KAZN: variants seen among roughly 807,000 people sequenced by gnomAD.
The protein encoded by KAZN is kazrin, periplakin interacting protein.
A neutral mutation model predicts 87.4 loss-of-function variants in KAZN; 40 were observed. The ratio of observed to expected loss-of-function variants is 0.46; its 90% CI spans 0.36 to 0.60. KAZN has a LOEUF of 0.60. Ranked by LOEUF, KAZN falls within the 20% of genes least tolerant of loss-of-function variation. The pLI, the probability that KAZN is intolerant of heterozygous loss-of-function variation, is 0.00. For missense variants in KAZN, 898 were observed against 1,073.9 expected, an observed-to-expected ratio of 0.84 and a Z score of 2.29; for synonymous variants, 466 against 458.3, an observed-to-expected ratio of 1.02 and a Z score of -0.22.
At chr1:14,509,469 C>T (rs1398850944) in intron 2 of KAZN, among the ~76,000 whole-genome samples, 1 of 152,228 alleles carries the variant, frequency 6.6e-6, no homozygotes, top group African/African-American at 2.4e-5. Flanking sequence ...GTGAAACTGC[C>T]ATGGCCTTTA....
intron 1 of KAZN, among the ~76,000 whole-genome samples, chr1:14,952,501 T>C (rs1662615854): frequency 6.6e-6 from 1 of 152,146 alleles, no homozygotes; most frequent in South Asian, 2.1e-4. Context: ...AGATTTTTTT[T>C]TCTTGGGGTA....
At chr1:14,729,397 C>T (rs1216661695) in intron 1 of KAZN, among the ~76,000 whole-genome samples, 2 of 152,228 alleles carry the variant, frequency 1.3e-5, no homozygotes, top group Admixed American at 6.5e-5. Flanking sequence ...CCCAGAATAG[C>T]CGGGCTTTCT....
intron 2 of KAZN, among the ~76,000 whole-genome samples, chr1:14,181,940 T>C (rs1646207419): frequency 1.3e-5 from 2 of 152,162 alleles, no homozygotes; most frequent in Admixed American, 1.3e-4. Context: ...CCTAAGGTAC[T>C]GAAAAAAGTG....
intron 1 of KAZN, among the ~76,000 whole-genome samples, chr1:14,844,583 A>G (rs1026454928): frequency 6.6e-6 from 1 of 152,218 alleles, no homozygotes; most frequent in African/African-American, 2.4e-5. Context: ...CCAAGATGTA[A>G]ATGAGATTGT....
intron 1 of KAZN, among the ~76,000 whole-genome samples, chr1:14,883,378 A>T (rs1184232900): frequency 1.8e-5 from 2 of 112,680 alleles, no homozygotes; most frequent in Non-Finnish European, 3.7e-5. Context: ...AAAGAAAGAA[A>T]GAAAGAAAGA....
At chr1:14,333,300 G>A (rs111255661) in intron 2 of KAZN, among the ~76,000 whole-genome samples, 3,947 of 152,232 alleles carry the variant, frequency 0.026, 102 homozygotes, top group East Asian at 0.13. Context: ...TGGGCATTCG[G>A]GTTGATTCCA....
Position 14,681,611 on chromosome 1 carries a change from GTGTATATA to G in KAZN, c.226+82390_226+82397del, listed in dbSNP as rs1333179797. ...ATTTTAACTATATATATATGTATAT[GTGTATATA>G]TATATATATATATATATATATATAT... On this transcript the variant is annotated intron_variant, in intron 1 of 14. Coordinates refer to ENST00000376030, the MANE Select transcript of KAZN (RefSeq NM_201628.3). Among the ~76,000 whole-genome samples the G allele has an allele frequency of 6.9e-3, 232 of 33,862 alleles. 7 individuals carry two copies. The highest frequency in any genetic ancestry group is 0.022 in the South Asian group (18 of 800). 22.2% of individuals were successfully genotyped at this position (33,862 alleles called of 152,430 possible).
chr1:14,077,528 T>C lies in KAZN; in HGVS notation c.92-102907T>C, dbSNP rs75480646. On this transcript the variant is annotated intron_variant, in intron 1 of 16. Coordinates refer to the KAZN transcript ENST00000636203. ...GCAGTTAAACTGTCCATCATTCAAT[T>C]GGGGTTGGATTGCTTTTTCAGACCT... Among the ~76,000 whole-genome samples the C allele has an allele frequency of 5.2e-3, 792 of 152,202 alleles. 13 individuals carry two copies. Among genetic ancestry groups the C allele is most frequent in the African/African-American group, 0.018 (757 of 41,524 alleles).
At chr1:14,290,868 G>A (rs1348151854) in intron 2 of KAZN, among the ~76,000 whole-genome samples, 3 of 152,158 alleles carry the variant, frequency 2.0e-5, no homozygotes. Flanking sequence ...GTTTTGGTGT[G>A]GATGTCCTTT....
At chr1:14,981,288 G>T (rs1666222411) in intron 2 of KAZN, among the ~76,000 whole-genome samples, 1 of 152,206 alleles carries the variant, frequency 6.6e-6, no homozygotes, top group Non-Finnish European at 1.5e-5. Context: ...AATTTCAAGT[G>T]CGTGCTTGAC....
At position 14,934,044 on chromosome 1, in the gene KAZN, A is replaced by G. The variant is rs1182939740; in HGVS notation, c.227-26640A>G. Among the ~76,000 whole-genome samples the G allele has an allele frequency of 5.3e-5, 8 of 150,814 alleles. No homozygotes were observed. In the East Asian group the frequency reaches 1.6e-3, roughly 30 times the overall value. On this transcript the variant is annotated intron_variant, in intron 1 of 14. Transcript: ENST00000376030. Reference sequence around the variant, plus strand: ...CTATTTTTTTGTATTTTTAGTAGAGACGGGGTTTCACCGTGTTATCCAGGA... The same window carrying G: ...CTATTTTTTTGTATTTTTAGTAGAGGCGGGGTTTCACCGTGTTATCCAGGA...
chr1:14,398,917 C>G (rs1005379227), intron 2 of KAZN, among the ~76,000 whole-genome samples: 2 of 152,138 alleles, frequency 1.3e-5, no homozygotes, highest in African/African-American at 4.8e-5. Flanking sequence ...CGGGGGTTTT[C>G]TTTCTGGAAG....
In KAZN at chr1:14,027,748, C is replaced by A. The variant is rs1033378029; in HGVS notation, c.91+133992C>A. Among the ~76,000 whole-genome samples, 5 of 152,168 alleles carry A rather than the reference C, an allele frequency of 3.3e-5. No individual in the cohort carries two copies. The East Asian group carries it at 7.7e-4, about 23-fold the overall frequency. ...GAGGGACAAGCAGTGGCTGCCAATA[C>A]AATGACTTGTGTTTAATGTTTCCCT... is the stretch of plus-strand genomic sequence containing the variant. On this transcript the variant is annotated intron_variant, in intron 1 of 16. Transcript: ENST00000636203.
intron 2 of KAZN, among the ~76,000 whole-genome samples, chr1:14,977,733 A>G (rs7547604): frequency 0.58 from 88,135 of 152,104 alleles, 28,989 homozygotes; most frequent in African/African-American, 0.9. Context: ...GGCGCCCAGG[A>G]GAGAGGTCCA....
chr1:14,522,521 G>A (rs1479157040), intron 2 of KAZN, among the ~76,000 whole-genome samples: 1 of 152,134 alleles, frequency 6.6e-6, no homozygotes, highest in Non-Finnish European at 1.5e-5. Context: ...TCTGTGATGT[G>A]TACAATTTGG....
At chr1:13,938,637 G>A (rs564379173) in intron 1 of KAZN, among the ~76,000 whole-genome samples, 1 of 152,352 alleles carries the variant, frequency 6.6e-6, no homozygotes, top group Non-Finnish European at 1.5e-5. Context: ...GGGCAGTGGC[G>A]AAGGAAAACG....
At chr1:15,016,537 C>T (rs1573071870) in intron 2 of KAZN, among the ~76,000 whole-genome samples, 1 of 152,282 alleles carries the variant, frequency 6.6e-6, no homozygotes, top group South Asian at 2.1e-4. Context: ...CCACCCACCT[C>T]GGCCTCCCAA....
intron 1 of KAZN, among the ~76,000 whole-genome samples, chr1:14,858,413 A>G (rs1650428190): frequency 6.6e-6 from 1 of 151,914 alleles, no homozygotes; most frequent in Non-Finnish European, 1.5e-5. Context: ...GGGTTTCACC[A>G]TGTTGGCCTG....
intron 1 of KAZN, among the ~76,000 whole-genome samples, chr1:14,661,916 A>G (rs1639196256): frequency 6.6e-6 from 1 of 152,208 alleles, no homozygotes; most frequent in Non-Finnish European, 1.5e-5. Context: ...ACTCTGTTTC[A>G]AAAATAAAAG....
Sources: gnomAD v4.1 joint callset for allele counts (sites outside exome capture counted in the v4.1 genomes callset) on GRCh38, gnomAD v4.1.1 for gene constraint, MANE v1.5 for transcripts, NCBI Gene and HGNC (gene_info 2026-07-23, HGNC 2026-07-21) for gene names.